Variants in SNAP91 observed in about 807,000 individuals in gnomAD.
The protein encoded by SNAP91 is clathrin coat assembly protein AP180.
In SNAP91, 27 loss-of-function variants were observed where a neutral mutation model predicts 100.3. That is an observed-to-expected ratio of 0.27 (90% CI 0.20 to 0.37). The LOEUF (loss-of-function observed/expected upper bound fraction) is 0.37. Among genes scored for constraint, SNAP91 ranks in the 10% least tolerant of loss-of-function variants. The pLI is 1.00. For missense variants in SNAP91, 986 were observed against 1,123.7 expected, an observed-to-expected ratio of 0.88 and a Z score of 1.75; for synonymous variants, 404 against 398.6, an observed-to-expected ratio of 1.01 and a Z score of -0.16.
In SNAP91 at chr6:83,605,715, G is replaced by T. The variant is rs2095568110; in HGVS notation, c.1111C>A (p.Pro371Thr). The T allele has an allele frequency of 6.4e-7, 1 of 1,552,298 alleles. No homozygotes were observed. Among genetic ancestry groups the T allele is most frequent in the Non-Finnish European group, 8.7e-7 (1 of 1,147,278 alleles). ...AAAAAAPAPPPPAGGATAWGD... is the reference protein window; with the variant it reads ...AAAAAAPAPPTPAGGATAWGD... ...CATGCAGTGGCTCCTCCAGCAGGTG[G>T]TGGTGGTGCTGGTGCTGCGGCTGCT... Residue 371 changes from proline to threonine, a missense_variant, in exon 14 of 30, where the codon CCA (proline) becomes ACA (threonine). By Grantham distance (38) the Pro-to-Thr change is conservative. Coordinates refer to ENST00000369694, the MANE Select transcript of SNAP91 (RefSeq NM_001242792.2).
At chr6:83,568,546 A>C (rs1800994648) in intron 26 of SNAP91, among the ~76,000 whole-genome samples, 1 of 152,054 alleles carries the variant, frequency 6.6e-6, no homozygotes, top group Non-Finnish European at 1.5e-5. Flanking sequence ...AAACAGGAAT[A>C]AGTAACCCAG....
intron 26 of SNAP91, among the ~76,000 whole-genome samples, chr6:83,569,184 A>G (rs1802220486): frequency 2.0e-5 from 3 of 152,232 alleles, no homozygotes; most frequent in African/African-American, 4.8e-5. Context: ...AATGCTAAGT[A>G]AAATAAAAGA....
intron 28 of SNAP91, 100 bp from the exon 29 acceptor site, chr6:83,556,345 GA>G (rs1317450607): frequency 3.5e-5 from 6 of 170,866 alleles, no homozygotes; most frequent in Non-Finnish European, 6.7e-5. Context: ...GAGAGGGGGA[GA>G]GAGAGAGAGA....
At chr6:83,568,286 AT>A (rs1250484489) in intron 26 of SNAP91, among the ~76,000 whole-genome samples, 1 of 152,068 alleles carries the variant, frequency 6.6e-6, no homozygotes, top group Non-Finnish European at 1.5e-5. Context: ...ATAGGTGGGA[AT>A]TGAACAATGA....
At position 83,662,327 on chromosome 6, in the gene SNAP91, T is replaced by G. The variant is rs909790713; in HGVS notation, c.349+20A>C. The stretch of plus-strand genomic sequence containing the variant: ...AAATCAAAGCATTGGCAAAAAATTA[T>G]AAAATACAAATATTCTCACCATGGG... On this transcript the variant is annotated intron_variant, in intron 4 of 29. Transcript: ENST00000369694. 1 of 1,272,012 alleles carries G rather than the reference T, an allele frequency of 7.9e-7. No homozygotes were observed. The highest frequency in any genetic ancestry group is 1.0e-6 in the Non-Finnish European group (1 of 955,178). 78.8% of individuals were successfully genotyped at this position (1,272,012 alleles called of 1,614,324 possible).
intron 15 of SNAP91, 65 bp downstream of exon 15, chr6:83,601,520 A>G (rs2095221723): frequency 6.2e-7 from 1 of 1,611,056 alleles, no homozygotes; most frequent in African/African-American, 1.3e-5. Context: ...AATGATCAAA[A>G]TAAGGACAGT....
chr6:83,650,176 G>A (rs892296800), intron 7 of SNAP91, among the ~76,000 whole-genome samples: 4 of 152,080 alleles, frequency 2.6e-5, no homozygotes, highest in African/African-American at 9.7e-5. Flanking sequence ...TTCAAATCAT[G>A]GTATTAATTC....
At chr6:83,601,012 T>C (rs1331633684) in intron 16 of SNAP91, among the ~76,000 whole-genome samples, 3 of 152,134 alleles carry the variant, frequency 2.0e-5, no homozygotes, top group Non-Finnish European at 2.9e-5. Flanking sequence ...GTTCTGAAGG[T>C]AGCAACATGA....
intron 14 of SNAP91, among the ~76,000 whole-genome samples, chr6:83,602,932 C>G (rs2095363557): frequency 6.6e-6 from 1 of 152,100 alleles, no homozygotes; most frequent in South Asian, 2.1e-4. Context: ...TGCAGCAAAC[C>G]ACCATGGCAC....
chr6:83,703,653 T>C (rs1164666169), intron 2 of SNAP91, among the ~76,000 whole-genome samples: 1 of 152,224 alleles, frequency 6.6e-6, no homozygotes, highest in East Asian at 1.9e-4. Context: ...CATAATCTTT[T>C]TCTTTTTCAT....
chr6:83,640,607 T>C (rs2097656169), intron 8 of SNAP91, among the ~76,000 whole-genome samples: 1 of 152,168 alleles, frequency 6.6e-6, no homozygotes, highest in Non-Finnish European at 1.5e-5. Context: ...AAGAAAGAAT[T>C]TATAAACTTT....
intron 7 of SNAP91, among the ~76,000 whole-genome samples, chr6:83,656,094 A>G (rs904668858): frequency 3.9e-5 from 6 of 152,228 alleles, no homozygotes; most frequent in African/African-American, 1.2e-4. Flanking sequence ...ACTACACCAA[A>G]TTATGTGTAG....
intron 8 of SNAP91, among the ~76,000 whole-genome samples, chr6:83,638,719 T>C (rs1374704618): frequency 1.3e-5 from 2 of 152,202 alleles, no homozygotes; most frequent in African/African-American, 2.4e-5. Context: ...AGAGACAATT[T>C]AGGAATTCTT....
chr6:83,702,798 C>T (rs541244545), intron 2 of SNAP91, among the ~76,000 whole-genome samples: 16 of 151,790 alleles, frequency 1.1e-4, no homozygotes, highest in African/African-American at 3.9e-4. Flanking sequence ...GTAAAAAGAT[C>T]TGGAAAAAAA....
At chr6:83,662,116 C>T (rs896009462) in intron 4 of SNAP91, among the ~76,000 whole-genome samples, 3 of 151,962 alleles carry the variant, frequency 2.0e-5, no homozygotes, top group African/African-American at 4.8e-5. Flanking sequence ...GTCTAGCACA[C>T]CCACTGTTAC....
intron 9 of SNAP91, among the ~76,000 whole-genome samples, chr6:83,622,127 A>T (rs958463710): frequency 6.6e-6 from 1 of 152,028 alleles, no homozygotes; most frequent in African/African-American, 2.4e-5. Context: ...TGCCTCGTCA[A>T]AAAACACTGT....
At chr6:83,613,034 T>C (rs1409720624) in intron 11 of SNAP91, among the ~76,000 whole-genome samples, 1 of 152,162 alleles carries the variant, frequency 6.6e-6, no homozygotes, top group Non-Finnish European at 1.5e-5. Flanking sequence ...TTGTTCTACC[T>C]GCTATAAAAA....
Position 83,582,376 on chromosome 6 carries a change from A to T in SNAP91, c.2015-20T>A. On this transcript the variant is annotated intron_variant, in intron 22 of 29. Coordinates refer to ENST00000369694, the MANE Select transcript of SNAP91 (RefSeq NM_001242792.2). ...CAAATCCTGAAAAAAAGTTCCAAAA[A>T]AACAAGCAGAAATAACATAAAGGTG... 6.2e-7 allele frequency: 1 copy of T among 1,605,906 alleles called. No homozygotes were observed. The highest frequency in any genetic ancestry group is 1.7e-4 in the Middle Eastern group (1 of 6,032).
intron 7 of SNAP91, among the ~76,000 whole-genome samples, chr6:83,642,146 C>T (rs2097730669): frequency 7.2e-6 from 1 of 139,036 alleles, no homozygotes; most frequent in Admixed American, 7.5e-5. Context: ...TATATTTGCA[C>T]ATGGTTTAAA....
Sources: allele counts gnomAD v4.1 joint callset (sites outside exome capture counted in the v4.1 genomes callset), GRCh38; gene constraint gnomAD v4.1.1; transcripts MANE v1.5; gene names NCBI Gene and HGNC (gene_info 2026-07-23, HGNC 2026-07-21).